Variants in MYO18A observed in about 807,000 individuals in gnomAD.
MYO18A encodes the protein myosin XVIIIA.
MYO18A carries 78 observed loss-of-function variants against 235.8 expected under a neutral mutation model. That is an observed-to-expected ratio of 0.33 (90% CI 0.28 to 0.40). MYO18A has a LOEUF of 0.40. Among genes scored for constraint, MYO18A ranks in the 10% least tolerant of loss-of-function variants. The pLI is 1.00. For synonymous variants in MYO18A, 977 were observed against 1,077.8 expected (o/e 0.91, Z 1.83); for missense variants, 2,215 against 2,699.3 (o/e 0.82, Z 3.98).
At chr17:29,144,484 G>A (rs556842311) in intron 2 of MYO18A, among the ~76,000 whole-genome samples, 37 of 152,268 alleles carry the variant, frequency 2.4e-4, no homozygotes, top group African/African-American at 8.2e-4. Context: ...TGCAAAGAAC[G>A]TGGGCTTGGC....
At position 29,111,334 on chromosome 17, in the gene MYO18A, G is replaced by A; in HGVS notation, c.2900+90C>T. 1 of 1,442,042 alleles carries A rather than the reference G, an allele frequency of 6.9e-7. No homozygotes were observed. Among genetic ancestry groups the A allele is most frequent in the East Asian group, 2.4e-5 (1 of 41,088 alleles). 89.3% of individuals were successfully genotyped at this position (1,442,042 alleles called of 1,614,324 possible). On this transcript the variant is annotated intron_variant, in intron 17 of 41. Coordinates refer to ENST00000527372, the MANE Select transcript of MYO18A (RefSeq NM_078471.4). This position sits in a 1 kb window ranked among gnomAD's most constrained non-coding sequence, Gnocchi z 5.1. ...AAAGGCCATCTACTTTGCTAGTGAG[G>A]GGGCCTCTGAGACAACCCCAGGGGG...
In MYO18A at chr17:29,098,147, T is replaced by G. The variant is rs878953886; in HGVS notation, c.3948A>C (p.Thr1316=). The part of the protein sequence containing the change: ...ESASQLLDAE[T]AERLRAEKEM... ...CCTTCTCAGCCCGGAGCCTCTCTGC[T>G]GTCTCCGCGTCCAGCAGCTGGGAGG... The change falls in exon 25 of 42, where the codon ACA becomes ACC. Residue 1316 remains threonine (T), a synonymous_variant. Transcript: ENST00000527372. 1.2e-6 allele frequency: 2 copies of G among 1,613,914 alleles called. No homozygotes were observed. Among genetic ancestry groups the G allele is most frequent in the Admixed American group, 3.3e-5 (2 of 60,022 alleles).
intron 2 of MYO18A, among the ~76,000 whole-genome samples, chr17:29,136,632 C>T (rs904518833): frequency 2.6e-5 from 4 of 152,146 alleles, no homozygotes; most frequent in East Asian, 1.9e-4. Flanking sequence ...CCCATTTTAT[C>T]GAGGAGGGAA....
chr17:29,114,114 A>C lies in MYO18A; in HGVS notation c.2512-17T>G, dbSNP rs765467998. Reference sequence around the variant, plus strand: ...GATGTTCTCCTGGGAAAGAAGGCCGAGCGGTAGTGAGCATGGGGGTCACAT... The same window carrying C: ...GATGTTCTCCTGGGAAAGAAGGCCGCGCGGTAGTGAGCATGGGGGTCACAT... On this transcript the variant is annotated splice_polypyrimidine_tract_variant and intron_variant, in intron 14 of 41. Coordinates refer to ENST00000527372, the MANE Select transcript of MYO18A (RefSeq NM_078471.4). The C allele has an allele frequency of 1.9e-6, 3 of 1,567,936 alleles. No homozygotes were observed. The highest frequency in any genetic ancestry group is 3.7e-5 in the Admixed American group (2 of 54,480).
At chr17:29,116,612 C>T (rs1244719310) in intron 10 of MYO18A, among the ~76,000 whole-genome samples, 157 bp from the exon 11 acceptor site, 1 of 122,916 alleles carries the variant, frequency 8.1e-6, no homozygotes, top group Non-Finnish European at 1.7e-5. Context: ...TTGGGACAAA[C>T]GCACACACAC....
At chr17:29,107,012 G>A (rs1370975253) in intron 20 of MYO18A, 68 bp downstream of exon 20, 4 of 1,446,604 alleles carry the variant, frequency 2.8e-6, no homozygotes, top group Non-Finnish European at 2.9e-6. Context: ...GAAGGCAGAT[G>A]AGTCTGGAAA....
At chr17:29,093,040 C>A in intron 32 of MYO18A, 39 bp from the exon 33 acceptor site, 1 of 1,598,572 alleles carries the variant, frequency 6.3e-7, no homozygotes. Context: ...GGGCTCTGCA[C>A]AGGGCTTCCT....
chr17:29,103,813 G>A (rs2066715401), intron 20 of MYO18A, 149 bp from the exon 21 acceptor site: 3 of 688,790 alleles, frequency 4.4e-6, no homozygotes, highest in Admixed American at 5.0e-5. Flanking sequence ...CAGGCACTGG[G>A]TTGGACTCTG....
Position 29,121,909 on chromosome 17 carries a change from C to T in MYO18A, c.1136G>A (p.Arg379His), listed in dbSNP as rs201811476. The T allele has an allele frequency of 2.1e-5, 34 of 1,613,926 alleles. No homozygotes were observed. The highest frequency in any genetic ancestry group is 1.2e-4 in the South Asian group (11 of 91,078). The change falls in exon 4 of 42, where the codon CGT (arginine) becomes CAT (histidine). Residue 379 changes from arginine to histidine, a missense_variant. By Grantham distance (29) the Arg-to-His change is conservative. Transcript: ENST00000527372. The surrounding 1 kb of genome is among the most constrained non-coding windows in gnomAD (Gnocchi z 4.2). ...GGCCCCATCGTGGTCCAGCTTCACA[C>T]GCACCTTCCCCTCAGGCAAGTTGAG... is the stretch of plus-strand genomic sequence containing the variant. Reference protein sequence around the residue: ...EELNLPEGKVRVKLDHDGAIL... With the variant: ...EELNLPEGKVHVKLDHDGAIL...
rs1268672458 is a variant in MYO18A at position 29,072,910 on chromosome 17, A to G, written c.*1860T>C. 1 of 152,262 alleles carries G rather than the reference A, an allele frequency of 6.6e-6. No homozygotes were observed. The highest frequency in any genetic ancestry group is 1.5e-5 in the Non-Finnish European group (1 of 68,060). 9.4% of individuals were successfully genotyped at this position (152,262 alleles called of 1,614,324 possible). On this transcript the variant is annotated 3_prime_UTR_variant, in exon 42 of 42. Transcript: ENST00000527372. Reference sequence around the variant, plus strand: ...GAAGGAACAAAGCATGGAGTAGGGCATGAAGACAGGGACCGAGCAGGGCAG... The same window carrying G: ...GAAGGAACAAAGCATGGAGTAGGGCGTGAAGACAGGGACCGAGCAGGGCAG...
rs1194782553 is a variant in MYO18A, at chr17:29,121,580, G to A, written c.1338C>T (p.Gly446=). ...TYAGPSLLVL[G]PRGAPAVYSE... is the part of the protein sequence containing the mutation. ...AGTACACAGCAGGGGCCCCACGGGG[G>A]CCAAGAACCAGCAGGCTGGGGCCAG... The change falls in exon 5 of 42, where the codon GGC becomes GGT. Residue 446 remains glycine (G), a synonymous_variant. Transcript: ENST00000527372. This position sits in a 1 kb window ranked among gnomAD's most constrained non-coding sequence, Gnocchi z 4.2. The A allele has an allele frequency of 1.2e-6, 2 of 1,603,988 alleles. No individual in the cohort carries two copies. The highest frequency in any genetic ancestry group is 2.2e-5 in the East Asian group (1 of 44,454).
At position 29,110,289 on chromosome 17, in the gene MYO18A, A is replaced by G. The variant is rs1424088939; in HGVS notation, c.3087+147T>C. The G allele has an allele frequency of 7.1e-6, 9 of 1,262,208 alleles. No individual in the cohort carries two copies. The Admixed American group carries it at 1.4e-4, about 19-fold the overall frequency. The allele number at this position is 1,262,208 out of a possible 1,614,324, so 78.2% of individuals were successfully genotyped here. ...CCACTCACAGGTGGCAGCACTGAAA[A>G]GAAGACCCCCACCTGCAGCCATTGA... On this transcript the variant is annotated intron_variant, in intron 18 of 41. Coordinates refer to ENST00000527372, the MANE Select transcript of MYO18A (RefSeq NM_078471.4).
intron 2 of MYO18A, among the ~76,000 whole-genome samples, chr17:29,133,013 C>T (rs1222741898): frequency 6.6e-6 from 1 of 152,270 alleles, no homozygotes; most frequent in Non-Finnish European, 1.5e-5. Context: ...ACACTCATTA[C>T]TGCACGCAGT....
At chr17:29,177,414 C>T (rs1174242923) in intron 1 of MYO18A, among the ~76,000 whole-genome samples, 1 of 152,126 alleles carries the variant, frequency 6.6e-6, no homozygotes, top group Non-Finnish European at 1.5e-5. Flanking sequence ...TGACATTTTA[C>T]AAGCCCTGCA....
Position 29,097,298 on chromosome 17 carries a change from G to GAA in MYO18A, c.4154_4155insTT (p.Lys1386SerfsTer51), listed in dbSNP as rs2066541998. 6 of 1,610,760 alleles carry GAA rather than the reference G, an allele frequency of 3.7e-6. No individual in the cohort carries two copies. Among genetic ancestry groups the GAA allele is most frequent in the Non-Finnish European group, 5.1e-6 (6 of 1,179,848 alleles). On this transcript the variant is annotated frameshift_variant, in exon 27 of 42. Transcript: ENST00000527372. LOFTEE classifies it high-confidence loss of function. ...CAAACTCCTGCTGGAGCCGTTTCTT[G>GAA]GTGAAGTCCACCTCCCGCACAGCCC...
chr17:29,165,572 A>C, intron 2 of MYO18A: 6 of 218,724 alleles, frequency 2.7e-5, no homozygotes, highest in Non-Finnish European at 4.5e-5. Flanking sequence ...ACAGGAGGGA[A>C]CCATAAAACC....
intron 2 of MYO18A, chr17:29,155,239 G>A (rs1482638578): frequency 6.6e-6 from 1 of 152,410 alleles, no homozygotes; most frequent in African/African-American, 2.4e-5. Flanking sequence ...ACAGGGAGCA[G>A]TGTTCATCAA....
chr17:29,163,555 G>A (rs548590381), intron 2 of MYO18A, among the ~76,000 whole-genome samples: 1 of 152,348 alleles, frequency 6.6e-6, no homozygotes, highest in African/African-American at 2.4e-5. Context: ...GAGCTAGAGT[G>A]AGCCAGCATT....
chr17:29,143,402 G>GTTTTTT (rs532615100), intron 2 of MYO18A, among the ~76,000 whole-genome samples: 1 of 121,542 alleles, frequency 8.2e-6, no homozygotes, highest in Non-Finnish European at 1.7e-5. Context: ...CACCATGTAG[G>GTTTTTT]TTTTTTTTTT....
Sources: allele counts gnomAD v4.1 joint callset (sites outside exome capture counted in the v4.1 genomes callset), GRCh38; gene constraint gnomAD v4.1.1; non-coding constraint Gnocchi (gnomAD v3.1); transcripts MANE v1.5; gene names NCBI Gene and HGNC (gene_info 2026-07-23, HGNC 2026-07-21).